MCTP1: variants seen among roughly 807,000 people sequenced by gnomAD.
MCTP1 encodes the protein multiple C2 and transmembrane domain containing 1.
MCTP1 carries 69 observed loss-of-function variants against 120.6 expected under a neutral mutation model. That is an observed-to-expected ratio of 0.57 (90% CI 0.47 to 0.70). The LOEUF is 0.70. Ranked by LOEUF, MCTP1 falls within the 30% of genes least tolerant of loss-of-function variation. MCTP1 has a pLI of 0.00. For synonymous variants in MCTP1, 529 were observed against 493.1 expected (o/e 1.07, Z -0.96); for missense variants, 1,203 against 1,248.8 (o/e 0.96, Z 0.55).
intron 2 of MCTP1, among the ~76,000 whole-genome samples, chr5:95,014,905 C>G (rs1393152992): frequency 6.6e-6 from 1 of 152,126 alleles, no homozygotes; most frequent in Admixed American, 6.6e-5. Flanking sequence ...GAAATTGCCA[C>G]AGCCACTCCA....
At position 94,953,339 on chromosome 5, in the gene MCTP1, C is replaced by T. The variant is rs1262383095; in HGVS notation, c.861G>A (p.Lys287=). The part of the protein sequence containing the change: ...DRGGTSDPYV[K]FKIGGKEVFR... ...AAACTTCTTTTCCTCCGATTTTAAA[C>T]TTCACATATGGATCACTCGTCCCTG... Residue 287 remains lysine (K), a synonymous_variant, in exon 3 of 23, where the codon AAG becomes AAA. Transcript: ENST00000515393. 3.7e-6 allele frequency: 6 copies of T among 1,608,390 alleles called. No individual in the cohort carries two copies. Among genetic ancestry groups the T allele is most frequent in the South Asian group, 3.3e-5 (3 of 90,106 alleles).
chr5:94,895,949 G>C (rs562580408), intron 10 of MCTP1, among the ~76,000 whole-genome samples: 1 of 152,284 alleles, frequency 6.6e-6, no homozygotes, highest in South Asian at 2.1e-4. Context: ...CAGAAAGTCC[G>C]TGTGTACTTA....
intron 1 of MCTP1, among the ~76,000 whole-genome samples, chr5:95,135,800 T>C (rs1188805957): frequency 6.6e-6 from 1 of 152,248 alleles, no homozygotes; most frequent in Non-Finnish European, 1.5e-5. Context: ...TCTGTCCTAT[T>C]AGTTCTGTCC....
intron 2 of MCTP1, among the ~76,000 whole-genome samples, chr5:94,974,925 G>A (rs1320491647): frequency 6.6e-6 from 1 of 152,048 alleles, no homozygotes; most frequent in African/African-American, 2.4e-5. Context: ...ACATTTCTTA[G>A]ACTATTCATA....
chr5:95,249,635 G>A (rs1264566969), intron 1 of MCTP1, among the ~76,000 whole-genome samples: 1 of 152,116 alleles, frequency 6.6e-6, no homozygotes, highest in Non-Finnish European at 1.5e-5. Context: ...AATACCATTT[G>A]ACCCAGCGAT....
chr5:95,094,604 G>A (rs2152348534), intron 1 of MCTP1, among the ~76,000 whole-genome samples: 1 of 152,274 alleles, frequency 6.6e-6, no homozygotes, highest in African/African-American at 2.4e-5. Context: ...TGTCCTTGAA[G>A]AAAACACCTT....
intron 19 of MCTP1, among the ~76,000 whole-genome samples, chr5:94,735,424 G>A (rs1764000587): frequency 2.6e-5 from 4 of 151,970 alleles, no homozygotes; most frequent in Non-Finnish European, 4.4e-5. Flanking sequence ...GACTACAGGC[G>A]TACACCGCCA....
chr5:95,031,314 C>T (rs1458309806), intron 1 of MCTP1, among the ~76,000 whole-genome samples: 1 of 151,708 alleles, frequency 6.6e-6, no homozygotes, highest in African/African-American at 2.4e-5. Context: ...GATAACCACC[C>T]CCAAGACATA....
At chr5:95,194,563 T>C (rs1187701787) in intron 1 of MCTP1, among the ~76,000 whole-genome samples, 1 of 152,196 alleles carries the variant, frequency 6.6e-6, no homozygotes, top group East Asian at 1.9e-4. Flanking sequence ...TTAGGATCTA[T>C]TTTCCAAAAT....
intron 1 of MCTP1, among the ~76,000 whole-genome samples, chr5:95,151,847 A>C (rs1760922594): frequency 6.6e-6 from 1 of 152,172 alleles, no homozygotes; most frequent in Non-Finnish European, 1.5e-5. Flanking sequence ...CTGGTTAAAG[A>C]AGCCGGCACT....
chr5:95,101,594 T>A (rs892275051), intron 1 of MCTP1, among the ~76,000 whole-genome samples: 1 of 152,140 alleles, frequency 6.6e-6, no homozygotes, highest in Admixed American at 6.5e-5. Context: ...CCTGGCTGTG[T>A]GTGGCAGGCA....
At chr5:95,090,454 G>A (rs190563919) in intron 1 of MCTP1, among the ~76,000 whole-genome samples, 1 of 152,068 alleles carries the variant, frequency 6.6e-6, no homozygotes, top group African/African-American at 2.4e-5. Context: ...TGCTCCAGAG[G>A]AATCAGTCCT....
chr5:95,005,409 A>T (rs1834515740), intron 2 of MCTP1, among the ~76,000 whole-genome samples: 1 of 110,388 alleles, frequency 9.1e-6, no homozygotes, highest in Non-Finnish European at 2.0e-5. Flanking sequence ...AAATGTGAGA[A>T]GGACATGAGA....
intron 18 of MCTP1, among the ~76,000 whole-genome samples, chr5:94,795,648 T>G (rs1779846443): frequency 6.6e-6 from 1 of 152,226 alleles, no homozygotes; most frequent in Admixed American, 6.5e-5. Context: ...TGGTTTTCTC[T>G]GGAAAAGCCT....
chr5:94,819,714 T>C (rs1785233447), intron 17 of MCTP1, among the ~76,000 whole-genome samples: 1 of 152,230 alleles, frequency 6.6e-6, no homozygotes. Context: ...GTCTTCTCCA[T>C]GATAATTCAC....
At chr5:95,153,993 G>A (rs778846363) in intron 1 of MCTP1, among the ~76,000 whole-genome samples, 10 of 152,108 alleles carry the variant, frequency 6.6e-5, no homozygotes, top group African/African-American at 1.4e-4. Flanking sequence ...AGTCATGCCC[G>A]AAAGAAATGC....
At chr5:95,224,953 C>T (rs978003598) in intron 1 of MCTP1, among the ~76,000 whole-genome samples, 1 of 152,112 alleles carries the variant, frequency 6.6e-6, no homozygotes, top group Non-Finnish European at 1.5e-5. Context: ...GTATAAATGA[C>T]AACATGCACC....
chr5:95,067,629 A>C (rs953328716), intron 1 of MCTP1, among the ~76,000 whole-genome samples: 1 of 152,078 alleles, frequency 6.6e-6, no homozygotes, highest in Non-Finnish European at 1.5e-5. Context: ...TATTTTAAAT[A>C]TATATTTTGT....
chr5:95,136,547 G>T (rs1443454793), intron 1 of MCTP1, among the ~76,000 whole-genome samples: 2 of 152,162 alleles, frequency 1.3e-5, no homozygotes, highest in Non-Finnish European at 2.9e-5. Context: ...AATTCAAGGG[G>T]GAGGGAAGTG....
Sources: allele counts gnomAD v4.1 joint callset (sites outside exome capture counted in the v4.1 genomes callset), GRCh38; gene constraint gnomAD v4.1.1; transcripts MANE v1.5; gene names NCBI Gene and HGNC (gene_info 2026-07-23, HGNC 2026-07-21).